The following STARD3NL variants were observed in gnomAD, a reference collection of about 807,000 sequenced individuals.
STARD3NL encodes the protein STARD3 N-terminal like.
A neutral mutation model predicts 30.9 loss-of-function variants in STARD3NL; 17 were observed. That is an observed-to-expected ratio of 0.55 (90% CI 0.38 to 0.82). The LOEUF (loss-of-function observed/expected upper bound fraction) is 0.82. Ranked by LOEUF, STARD3NL falls within the 40% of genes least tolerant of loss-of-function variation. The pLI is 0.00. For missense variants in STARD3NL, 234 were observed against 277.6 expected, an observed-to-expected ratio of 0.84 and a Z score of 1.12; for synonymous variants, 112 against 100.5, an observed-to-expected ratio of 1.11 and a Z score of -0.69.
At chr7:38,225,790 T>C (rs1413673843) in intron 7 of STARD3NL, among the ~76,000 whole-genome samples, 4 of 152,224 alleles carry the variant, frequency 2.6e-5, no homozygotes, top group Non-Finnish European at 5.9e-5. Context: ...TTTAGTGATA[T>C]CACATGAATT....
intron 7 of STARD3NL, among the ~76,000 whole-genome samples, chr7:38,223,562 A>G (rs565935102): frequency 1.4e-4 from 22 of 152,164 alleles, no homozygotes; most frequent in Non-Finnish European, 3.2e-4. Context: ...CCACCTCCCC[A>G]GAGTAGCCAT....
In STARD3NL at chr7:38,190,925, G is replaced by A. The variant is rs117902453; in HGVS notation, c.-59+12505G>A. Among the ~76,000 whole-genome samples the A allele has an allele frequency of 7.6e-3, 1,157 of 152,268 alleles. 7 individuals carry two copies. The highest frequency in any genetic ancestry group is 0.013 in the Admixed American group (204 of 15,290). On this transcript the variant is annotated intron_variant, in intron 1 of 8. Coordinates refer to ENST00000009041, the MANE Select transcript of STARD3NL (RefSeq NM_032016.4). ...CTGGCAAGGATTTATCACAATTGAT[G>A]TTATATAGTTCTTGTTGCAACGCAT...
chr7:38,217,290 G>A lies in STARD3NL; in HGVS notation c.538G>A (p.Ala180Thr). ...GGATTTCAAAGTGTTACCTCAAGAAGCAGAAGAAGAAAACAGTAAGTTCCT... is the reference window on the plus strand; with the variant it reads ...GGATTTCAAAGTGTTACCTCAAGAAACAGAAGAAGAAAACAGTAAGTTCCT... Reference protein sequence around the residue: ...FLDFKVLPQEAEEENRLLIVQ... With the variant: ...FLDFKVLPQETEEENRLLIVQ... The change falls in exon 6 of 9, where the codon GCA becomes ACA. Residue 180 changes from alanine (A) to threonine (T), a missense_variant. Transcript: ENST00000009041. The A allele has an allele frequency of 6.2e-7, 1 of 1,613,934 alleles. No homozygotes were observed. Among genetic ancestry groups the A allele is most frequent in the Non-Finnish European group, 8.5e-7 (1 of 1,179,922 alleles).
chr7:38,188,164 A>T (rs1784540326), intron 1 of STARD3NL, among the ~76,000 whole-genome samples: 1 of 152,138 alleles, frequency 6.6e-6, no homozygotes, highest in Admixed American at 6.5e-5. Context: ...TTCCCATCTC[A>T]TTCAGAGTAA....
At chr7:38,179,843 G>A (rs1334660351) in intron 1 of STARD3NL, among the ~76,000 whole-genome samples, 2 of 152,210 alleles carry the variant, frequency 1.3e-5, no homozygotes, top group Non-Finnish European at 2.9e-5. Flanking sequence ...ATAGCTGAAT[G>A]TTTAGCTGAG....
intron 1 of STARD3NL, among the ~76,000 whole-genome samples, chr7:38,200,882 G>GGA (rs1785143678): frequency 6.6e-6 from 1 of 152,148 alleles, no homozygotes; most frequent in South Asian, 2.1e-4. Flanking sequence ...CAGCAGTAAG[G>GGA]GAGATAGAAG....
At chr7:38,204,953 G>A (rs1229395514) in intron 1 of STARD3NL, among the ~76,000 whole-genome samples, 2 of 152,132 alleles carry the variant, frequency 1.3e-5, no homozygotes, top group East Asian at 3.9e-4. Flanking sequence ...TTGAATCTCT[G>A]AATAGACCAA....
chr7:38,204,103 A>G (rs1235569363), intron 1 of STARD3NL, among the ~76,000 whole-genome samples: 2 of 152,354 alleles, frequency 1.3e-5, no homozygotes, highest in East Asian at 3.9e-4. Context: ...AAGGATATCC[A>G]GGAATTGAAC....
rs932005970 is a variant in STARD3NL, at chr7:38,182,562, C to G, written c.-59+4142C>G. Among the ~76,000 whole-genome samples the G allele has an allele frequency of 5.9e-5, 9 of 152,178 alleles. No individual in the cohort carries two copies. The South Asian group carries it at 6.2e-4, about 11-fold the overall frequency. The stretch of plus-strand genomic sequence containing the variant: ...GCAGGCTGTCATCAGTTCTGATGTC[C>G]TGTGTTGGAACTCCTGGCAGCCTCT... On this transcript the variant is annotated intron_variant, in intron 1 of 8. Transcript: ENST00000009041.
intron 2 of STARD3NL, among the ~76,000 whole-genome samples, chr7:38,209,864 G>A (rs985408209): frequency 1.3e-5 from 2 of 152,170 alleles, no homozygotes; most frequent in African/African-American, 4.8e-5. Context: ...TGCATGCAAC[G>A]TGTTATAAAT....
chr7:38,203,151 C>G (rs900921202), intron 1 of STARD3NL, among the ~76,000 whole-genome samples: 2 of 152,054 alleles, frequency 1.3e-5, no homozygotes. Flanking sequence ...AGATACTCCT[C>G]GAGAAGAGCA....
chr7:38,186,993 TC>T (rs1784486213), intron 1 of STARD3NL, among the ~76,000 whole-genome samples: 1 of 151,824 alleles, frequency 6.6e-6, no homozygotes, highest in Non-Finnish European at 1.5e-5. Flanking sequence ...CCCCGTTGTT[TC>T]AGTTACTTTG....
chr7:38,226,649 G>A (rs1786786177), intron 7 of STARD3NL, among the ~76,000 whole-genome samples: 1 of 152,162 alleles, frequency 6.6e-6, no homozygotes, highest in Non-Finnish European at 1.5e-5. Flanking sequence ...GCTCTCTTGG[G>A]TCTCCTCTGT....
chr7:38,208,049 G>A (rs1275987313), intron 2 of STARD3NL, among the ~76,000 whole-genome samples: 4 of 152,146 alleles, frequency 2.6e-5, no homozygotes, highest in South Asian at 2.1e-4. Flanking sequence ...TTATTGGAAC[G>A]TGGCCAGGCC....
Position 38,188,504 on chromosome 7 carries a change from C to T in STARD3NL, c.-59+10084C>T, listed in dbSNP as rs1784553298. On this transcript the variant is annotated intron_variant, in intron 1 of 8. Transcript: ENST00000009041. ...CCATCCCCTTCCTGTAGAAGGTAAA[C>T]TCTGTGAGGATAGATGTTTTGTTCA... Among the ~76,000 whole-genome samples the T allele has an allele frequency of 5.9e-5, 9 of 152,192 alleles. No homozygotes were observed. The South Asian group carries it at 1.9e-3, about 31-fold the overall frequency.
intron 8 of STARD3NL, among the ~76,000 whole-genome samples, 182 bp from the exon 9 acceptor site, chr7:38,229,741 G>A (rs1310202412): frequency 1.3e-5 from 2 of 152,202 alleles, no homozygotes; most frequent in African/African-American, 4.8e-5. Context: ...GGGCATGCTC[G>A]TAGTTGAGCC....
At chr7:38,193,840 T>A (rs960684113) in intron 1 of STARD3NL, among the ~76,000 whole-genome samples, 3 of 152,208 alleles carry the variant, frequency 2.0e-5, no homozygotes, top group African/African-American at 7.2e-5. Context: ...TATGTGTGGT[T>A]AGTTTATACT....
At chr7:38,203,692 TAA>T (rs1247544878) in intron 1 of STARD3NL, among the ~76,000 whole-genome samples, 1 of 152,060 alleles carries the variant, frequency 6.6e-6, no homozygotes, top group African/African-American at 2.4e-5. Flanking sequence ...GCAAATTGGA[TAA>T]AGAGTTAAGA....
At chr7:38,186,874 G>A (rs1213432071) in intron 1 of STARD3NL, among the ~76,000 whole-genome samples, 2 of 152,114 alleles carry the variant, frequency 1.3e-5, no homozygotes, top group African/African-American at 2.4e-5. Context: ...TAGAGCCAAA[G>A]CTGAGAAAGG....
Sources: gnomAD v4.1 joint callset for allele counts (sites outside exome capture counted in the v4.1 genomes callset) on GRCh38, gnomAD v4.1.1 for gene constraint, MANE v1.5 for transcripts, NCBI Gene and HGNC (gene_info 2026-07-23, HGNC 2026-07-21) for gene names.